HIKESHI: variants seen among roughly 807,000 people sequenced by gnomAD.
HIKESHI encodes the protein protein Hikeshi.
In HIKESHI, 13 loss-of-function variants were observed where a neutral mutation model predicts 25.7. That is an observed-to-expected ratio of 0.51 (90% CI 0.33 to 0.80). HIKESHI has a LOEUF of 0.80. Ranked by LOEUF, HIKESHI falls within the 30% of genes least tolerant of loss-of-function variation. The pLI is 0.02. For synonymous variants in HIKESHI, 76 were observed against 78.7 expected (o/e 0.97, Z 0.18); for missense variants, 174 against 229.5 (o/e 0.76, Z 1.56).
chr11:86,306,832 A>G (rs912558262), intron 2 of HIKESHI, among the ~76,000 whole-genome samples: 2 of 151,098 alleles, frequency 1.3e-5, no homozygotes, highest in Non-Finnish European at 1.5e-5. Flanking sequence ...CCCTGTCTCC[A>G]CTAAAAAATA....
chr11:86,345,375 AAAAGCTAATC>A, intron 4 of HIKESHI, 199 bp from the exon 5 acceptor site: 1 of 438,450 alleles, frequency 2.3e-6, no homozygotes, highest in South Asian at 4.1e-5. Context: ...GCTCTCTGAT[AAAAGCTAATC>A]AAAACTGCCC....
rs1210688812 is a variant in HIKESHI at position 86,303,329 on chromosome 11, TA to T, written c.30+853del. 3 of 788,234 alleles carry T rather than the reference TA, an allele frequency of 3.8e-6. No individual in the cohort carries two copies. The African/African-American group carries it at 5.6e-5, about 15-fold the overall frequency. The allele number at this position is 788,234 out of a possible 1,614,324, so 48.8% of individuals were successfully genotyped here. A position where few individuals can be genotyped will look rare whatever the true frequency, so the allele number is the denominator to read the frequency against. On this transcript the variant is annotated intron_variant, in intron 1 of 4. Coordinates refer to ENST00000278483, the MANE Select transcript of HIKESHI (RefSeq NM_016401.4). ...GTCTTTTTTTCCCATCAAGTTTTGA[TA>T]ATGTATTGTATTCTGTACATATACA...
intron 2 of HIKESHI, among the ~76,000 whole-genome samples, chr11:86,328,442 T>G (rs1947339843): frequency 1.3e-5 from 2 of 151,126 alleles, no homozygotes; most frequent in South Asian, 2.1e-4. Flanking sequence ...TTGTTTTTTT[T>G]TTTTTTTGAG....
intron 2 of HIKESHI, among the ~76,000 whole-genome samples, chr11:86,307,958 T>TATATATTATGTGTAATATATATTA (rs1565719985): frequency 0.14 from 2,157 of 15,638 alleles, 395 homozygotes; most frequent in African/African-American, 0.34. Flanking sequence ...GTAATATATA[T>TATATATTATGTGTAATATATATTA]TATATAAAAT....
chr11:86,336,150 G>C (rs1423661194), intron 2 of HIKESHI, among the ~76,000 whole-genome samples: 1 of 152,186 alleles, frequency 6.6e-6, no homozygotes. Flanking sequence ...ACAGAAGAAA[G>C]AATCAGTGAA....
intron 2 of HIKESHI, among the ~76,000 whole-genome samples, chr11:86,310,272 G>T (rs1329655709): frequency 1.3e-5 from 2 of 150,076 alleles, no homozygotes; most frequent in Non-Finnish European, 3.0e-5. Flanking sequence ...TCCTTGAAGA[G>T]ATCCTTCACA....
At chr11:86,344,982 A>G in intron 4 of HIKESHI, 1 of 549,178 alleles carries the variant, frequency 1.8e-6, no homozygotes, top group Non-Finnish European at 2.8e-6. Context: ...ATTAAAGCTT[A>G]TAAATATTTG....
intron 2 of HIKESHI, among the ~76,000 whole-genome samples, chr11:86,313,419 A>T (rs900113432): frequency 6.6e-6 from 1 of 152,098 alleles, no homozygotes; most frequent in Non-Finnish European, 1.5e-5. Flanking sequence ...TTTAGTAGAG[A>T]TGGGGTTTCA....
chr11:86,305,705 T>C (rs1946606454), intron 1 of HIKESHI, among the ~76,000 whole-genome samples: 1 of 152,168 alleles, frequency 6.6e-6, no homozygotes, highest in African/African-American at 2.4e-5. Flanking sequence ...AGTAAAATCC[T>C]TTCAGGGCAC....
At chr11:86,344,938 G>A (rs1374290377) in intron 4 of HIKESHI, 4 of 528,142 alleles carry the variant, frequency 7.6e-6, no homozygotes, top group South Asian at 8.9e-5. Context: ...TATAAAGACA[G>A]GAAAATATAG....
At chr11:86,313,273 C>T (rs1351532916) in intron 2 of HIKESHI, among the ~76,000 whole-genome samples, 2 of 151,988 alleles carry the variant, frequency 1.3e-5, no homozygotes, top group African/African-American at 4.8e-5. Flanking sequence ...CTCTAGTTGC[C>T]CAGGCTGAGT....
At chr11:86,332,492 C>T (rs1043193020) in intron 2 of HIKESHI, among the ~76,000 whole-genome samples, 2 of 152,114 alleles carry the variant, frequency 1.3e-5, no homozygotes, top group African/African-American at 4.8e-5. Context: ...GAATAAAACT[C>T]ATTTTATCTT....
chr11:86,345,061 G>A, intron 4 of HIKESHI: 1 of 982,532 alleles, frequency 1.0e-6, no homozygotes, highest in Admixed American at 4.6e-5. Flanking sequence ...AATGGCTAAT[G>A]AATCTATTTT....
intron 2 of HIKESHI, among the ~76,000 whole-genome samples, chr11:86,314,442 C>G (rs1170317768): frequency 1.3e-5 from 2 of 151,996 alleles, no homozygotes; most frequent in Non-Finnish European, 2.9e-5. Flanking sequence ...TGGTGGAACC[C>G]CCTGTATAGT....
chr11:86,316,587 A>T (rs1946985234), intron 2 of HIKESHI, among the ~76,000 whole-genome samples: 2 of 152,014 alleles, frequency 1.3e-5, no homozygotes, highest in Admixed American at 1.3e-4. Context: ...TAAAAAGAAA[A>T]TAAGGCATTG....
intron 3 of HIKESHI, among the ~76,000 whole-genome samples, chr11:86,339,926 G>A (rs559901022): frequency 4.3e-5 from 5 of 115,224 alleles, no homozygotes; most frequent in African/African-American, 1.7e-4. Flanking sequence ...CCCGCCCGCC[G>A]TGTGTGATGT....
chr11:86,338,847 A>T (rs921956095), intron 3 of HIKESHI, among the ~76,000 whole-genome samples: 24 of 152,244 alleles, frequency 1.6e-4, no homozygotes, highest in African/African-American at 4.6e-4. Flanking sequence ...TGGAAAATAC[A>T]CATTAAAATG....
intron 2 of HIKESHI, among the ~76,000 whole-genome samples, chr11:86,327,813 A>G (rs1438888263): frequency 6.6e-6 from 1 of 152,196 alleles, no homozygotes; most frequent in East Asian, 1.9e-4. Context: ...GCTATAATAA[A>G]TATTCTTATA....
chr11:86,302,598 G>T (rs1371941047), intron 1 of HIKESHI, 120 bp downstream of exon 1: 3 of 1,181,244 alleles, frequency 2.5e-6, no homozygotes, highest in Non-Finnish European at 3.6e-6. Flanking sequence ...ATTTTGGGTG[G>T]GTATGTGAGG....
Sources: gnomAD v4.1 joint callset for allele counts (sites outside exome capture counted in the v4.1 genomes callset) on GRCh38, gnomAD v4.1.1 for gene constraint, MANE v1.5 for transcripts, NCBI Gene and HGNC (gene_info 2026-07-23, HGNC 2026-07-21) for gene names.